KCNH8: variants seen among roughly 807,000 people sequenced by gnomAD.
The protein encoded by KCNH8 is voltage-gated delayed rectifier potassium channel KCNH8.
Under a neutral mutation model 103.6 loss-of-function variants are expected in KCNH8, and 70 were observed. That is an observed-to-expected ratio of 0.68 (90% CI 0.56 to 0.82). The LOEUF is 0.82. KCNH8 is among the 40% of genes least tolerant of loss of function. The pLI, the probability that KCNH8 is intolerant of heterozygous loss-of-function variation, is 0.00. For missense variants in KCNH8, 1,217 were observed against 1,329.9 expected (o/e 0.92, Z 1.32); for synonymous variants, 498 against 489.4 (o/e 1.02, Z -0.23).
chr3:19,204,222 CT>C (rs2063690739), intron 1 of KCNH8, among the ~76,000 whole-genome samples: 1 of 152,056 alleles, frequency 6.6e-6, no homozygotes, highest in Non-Finnish European at 1.5e-5. Flanking sequence ...CTGTCTCTGT[CT>C]TTCCTCTGTC....
intron 15 of KCNH8, 27 bp downstream of exon 15, chr3:19,518,101 C>T (rs2125245902): frequency 6.4e-7 from 1 of 1,556,902 alleles, no homozygotes; most frequent in Non-Finnish European, 8.9e-7. Flanking sequence ...TTGGTCATGC[C>T]TAAATGGTAA....
At chr3:19,256,914 C>T (rs531431882) in intron 2 of KCNH8, among the ~76,000 whole-genome samples, 53 of 152,172 alleles carry the variant, frequency 3.5e-4, no homozygotes, top group African/African-American at 1.2e-3. Context: ...AATCATACTG[C>T]ATTATAGCTA....
chr3:19,318,610 C>CT (rs373119403), intron 3 of KCNH8, among the ~76,000 whole-genome samples: 27 of 149,940 alleles, frequency 1.8e-4, no homozygotes, highest in African/African-American at 6.1e-4. Flanking sequence ...TATTTTGTTC[C>CT]TTTTTATGGC....
At chr3:19,266,617 T>C (rs1459934373) in intron 2 of KCNH8, among the ~76,000 whole-genome samples, 1 of 152,138 alleles carries the variant, frequency 6.6e-6, no homozygotes, top group Non-Finnish European at 1.5e-5. Context: ...TCTTGTTATC[T>C]ACAGTGCCTA....
intron 11 of KCNH8, among the ~76,000 whole-genome samples, chr3:19,469,245 C>T (rs529507914): frequency 1.3e-5 from 2 of 152,164 alleles, no homozygotes; most frequent in African/African-American, 4.8e-5. Flanking sequence ...TCAGGCCCAA[C>T]AAGTGTTTTG....
chr3:19,501,683 T>A (rs1431968679), intron 11 of KCNH8, among the ~76,000 whole-genome samples: 3 of 152,194 alleles, frequency 2.0e-5, no homozygotes, highest in African/African-American at 7.2e-5. Context: ...AACCACATGA[T>A]TATCTCAATA....
intron 1 of KCNH8, among the ~76,000 whole-genome samples, chr3:19,253,402 C>A (rs1428023068): frequency 6.6e-6 from 1 of 151,910 alleles, no homozygotes; most frequent in Non-Finnish European, 1.5e-5. Context: ...GTAGGTGCCA[C>A]AAAGCAGACC....
Position 19,347,757 on chromosome 3 carries a change from G to A in KCNH8, c.603G>A (p.Glu201=), listed in dbSNP as rs761655811. ...NVFVDKPAFP[E]YKVSDAKKSK... ...TTGTAGATAAACCAGCATTTCCGGA[G>A]TATAAAGTTTCTGATGCAAAAAAGT... The change falls in exon 5 of 16, where the codon GAG becomes GAA. Residue 201 remains glutamate (E), a synonymous_variant. Transcript: ENST00000328405. 5.1e-5 allele frequency: 82 copies of A among 1,612,962 alleles called. No homozygotes were observed. Among genetic ancestry groups the A allele is most frequent in the Non-Finnish European group, 6.9e-5 (81 of 1,179,336 alleles).
intron 14 of KCNH8, among the ~76,000 whole-genome samples, chr3:19,516,683 C>G (rs1344647737): frequency 1.3e-5 from 2 of 151,946 alleles, no homozygotes; most frequent in African/African-American, 2.4e-5. Flanking sequence ...TCACCTACCC[C>G]TACGCTTACA....
intron 5 of KCNH8, among the ~76,000 whole-genome samples, chr3:19,362,372 A>C (rs2125110329): frequency 6.6e-6 from 1 of 152,230 alleles, no homozygotes; most frequent in South Asian, 2.1e-4. Flanking sequence ...TATGGGGGAA[A>C]TTAATGGAGG....
chr3:19,284,665 T>C (rs1376564284), intron 3 of KCNH8, among the ~76,000 whole-genome samples: 1 of 152,036 alleles, frequency 6.6e-6, no homozygotes, highest in Non-Finnish European at 1.5e-5. Context: ...ATTCCAAAAA[T>C]AGTGTGTACA....
At position 19,523,663 on chromosome 3, in the gene KCNH8, C is replaced by T. The variant is rs539469535; in HGVS notation, c.2619+5589C>T. The stretch of plus-strand genomic sequence containing the variant: ...TCATTTCTGTCGGTATTTTATTAAC[C>T]AGAACTAATTCCATGGGCACAGTTA... On this transcript the variant is annotated intron_variant, in intron 15 of 15. Coordinates refer to ENST00000328405, the MANE Select transcript of KCNH8 (RefSeq NM_144633.3). Among the ~76,000 whole-genome samples, 10 of 151,936 alleles carry T rather than the reference C, an allele frequency of 6.6e-5. No homozygotes were observed. The South Asian group carries it at 1.9e-3, about 28-fold the overall frequency.
chr3:19,326,978 C>T (rs1575529530), intron 3 of KCNH8, among the ~76,000 whole-genome samples: 1 of 152,170 alleles, frequency 6.6e-6, no homozygotes, highest in Non-Finnish European at 1.5e-5. Context: ...GGGCCCTTAA[C>T]TGGGGAGGGT....
At chr3:19,294,197 A>C (rs909945838) in intron 3 of KCNH8, among the ~76,000 whole-genome samples, 4 of 152,130 alleles carry the variant, frequency 2.6e-5, no homozygotes, top group African/African-American at 9.7e-5. Context: ...AAGAATCTCA[A>C]TTTGGTCAAA....
chr3:19,349,323 G>C (rs1007629128), intron 5 of KCNH8, among the ~76,000 whole-genome samples: 1 of 151,874 alleles, frequency 6.6e-6, no homozygotes, highest in African/African-American at 2.4e-5. Flanking sequence ...CTGTGGTTTT[G>C]TATCCTTTTA....
chr3:19,149,381 A>C (rs2063106322), intron 1 of KCNH8, among the ~76,000 whole-genome samples: 1 of 151,860 alleles, frequency 6.6e-6, no homozygotes, highest in East Asian at 1.9e-4. Flanking sequence ...TGAGCCTAAC[A>C]CTCAAGCAGA....
In KCNH8 at chr3:19,534,147, G is replaced by T; in HGVS notation, c.*48G>T. ...GCTAATTTCAAACCTACCACTGCAT[G>T]ACAGTTTTAGTTTGCCTTTTTGCCT... On this transcript the variant is annotated 3_prime_UTR_variant, in exon 16 of 16. Transcript: ENST00000328405. The T allele has an allele frequency of 7.1e-7, 1 of 1,416,094 alleles. No homozygotes were observed. Among genetic ancestry groups the T allele is most frequent in the Non-Finnish European group, 9.8e-7 (1 of 1,022,576 alleles). 87.7% of individuals were successfully genotyped at this position (1,416,094 alleles called of 1,614,324 possible).
At chr3:19,259,386 A>T (rs2064398041) in intron 2 of KCNH8, among the ~76,000 whole-genome samples, 1 of 151,938 alleles carries the variant, frequency 6.6e-6, no homozygotes, top group Non-Finnish European at 1.5e-5. Flanking sequence ...TATACTGGGT[A>T]ATAATAGACC....
At chr3:19,158,717 A>T (rs1024533328) in intron 1 of KCNH8, among the ~76,000 whole-genome samples, 1 of 151,858 alleles carries the variant, frequency 6.6e-6, no homozygotes, top group Admixed American at 6.6e-5. Context: ...ATGTTTGTTT[A>T]CTTGAAGGAA....
Sources: gnomAD v4.1 joint callset for allele counts (sites outside exome capture counted in the v4.1 genomes callset) on GRCh38, gnomAD v4.1.1 for gene constraint, MANE v1.5 for transcripts, NCBI Gene and HGNC (gene_info 2026-07-23, HGNC 2026-07-21) for gene names.